The following NRK variants were observed in gnomAD, a reference collection of about 807,000 sequenced individuals.
NRK encodes Nik related kinase, also known as nik-related protein kinase.
NRK carries 67 observed loss-of-function variants against 125.2 expected under a neutral mutation model. The observed-to-expected ratio is 0.54, with a 90% confidence interval of 0.44 to 0.66. The LOEUF is 0.66. NRK is among the 30% of genes least tolerant of loss of function. The probability of loss-of-function intolerance (pLI) is 0.00; values close to 1 mark genes in which losing one functional copy is unlikely to be tolerated. For synonymous variants in NRK, 458 were observed against 429.0 expected (o/e 1.07, Z -0.84); for missense variants, 1,224 against 1,192.9 (o/e 1.03, Z -0.38).
chrX:105,867,075 A>G (rs1480614851), intron 2 of NRK, among the ~76,000 whole-genome samples: 5 of 111,439 alleles, frequency 4.5e-5, no homozygotes, highest in African/African-American at 1.6e-4. Flanking sequence ...TTCTTGCTCA[A>G]TCAATATACT....
At position 105,951,878 on chromosome X, in the gene NRK, G is replaced by T. The variant is rs970564712; in HGVS notation, c.4514-1156G>T. ...CCTGTGCTTTAAGTTTAGAATTTTTGATCTATGTTGTTGTTGACAAAAATA... is the reference window on the plus strand; with the variant it reads ...CCTGTGCTTTAAGTTTAGAATTTTTTATCTATGTTGTTGTTGACAAAAATA... On this transcript the variant is annotated intron_variant, in intron 27 of 28. Coordinates refer to ENST00000243300, the MANE Select transcript of NRK (RefSeq NM_198465.4). Among the ~76,000 whole-genome samples, 53 of 112,576 alleles carry T rather than the reference G, an allele frequency of 4.7e-4. No individual in the cohort carries two copies. In the Admixed American group the frequency reaches 5.0e-3, roughly 11 times the overall value.
In NRK at chrX:105,824,407, C is replaced by T. The variant is rs773704009; in HGVS notation, c.57+1505C>T. On this transcript the variant is annotated intron_variant, in intron 1 of 28. Coordinates refer to ENST00000243300, the MANE Select transcript of NRK (RefSeq NM_198465.4). Reference sequence around the variant, plus strand: ...TATAAAACCAAGGAATAAAATGTTACCCTTCCTCCAACATTCTCTGCCTAT... The same window carrying T: ...TATAAAACCAAGGAATAAAATGTTATCCTTCCTCCAACATTCTCTGCCTAT... Among the ~76,000 whole-genome samples, 9 of 110,343 alleles carry T rather than the reference C, an allele frequency of 8.2e-5. No individual in the cohort carries two copies. In the South Asian group the frequency reaches 3.1e-3, roughly 38 times the overall value.
chrX:105,932,731 G>A (rs916317395), intron 19 of NRK, among the ~76,000 whole-genome samples: 3 of 111,093 alleles, frequency 2.7e-5, no homozygotes, highest in African/African-American at 9.8e-5. Context: ...GCGCTCCTGT[G>A]CAAGCTGTTT....
intron 16 of NRK, among the ~76,000 whole-genome samples, chrX:105,918,863 T>A (rs2040399744): frequency 9.1e-6 from 1 of 109,521 alleles, no homozygotes; most frequent in Non-Finnish European, 1.9e-5. Flanking sequence ...CCATTTGATA[T>A]TCTCATGAAA....
chrX:105,824,135 C>A (rs913139858), intron 1 of NRK, among the ~76,000 whole-genome samples: 2 of 111,769 alleles, frequency 1.8e-5, no homozygotes, highest in East Asian at 2.8e-4. Context: ...CCAAATTGTT[C>A]TCTGCCATTT....
Position 105,923,483 on chromosome X carries a change from G to T in NRK, c.2975+1G>T. 9.0e-7 allele frequency: 1 copy of T among 1,115,478 alleles called. No homozygotes were observed. The highest frequency in any genetic ancestry group is 1.2e-6 in the Non-Finnish European group (1 of 845,023). 91.9% of individuals were successfully genotyped at this position (1,115,478 alleles called of 1,213,427 possible). ...ATTATGAGGCGCCTAGTTGTCCAAGGTTGGTTTTTTTGAATTACTTATACT... is the reference window on the plus strand; with the variant it reads ...ATTATGAGGCGCCTAGTTGTCCAAGTTTGGTTTTTTTGAATTACTTATACT... On this transcript the variant is annotated splice_donor_variant, in intron 18 of 28. Coordinates refer to ENST00000243300, the MANE Select transcript of NRK (RefSeq NM_198465.4). LOFTEE classifies it high-confidence loss of function.
Position 105,895,435 on chromosome X carries a change from C to A in NRK, c.492C>A (p.Gly164=), listed in dbSNP as rs778999118. Residue 164 remains glycine (G), a splice_region_variant and synonymous_variant, in exon 7 of 29, where the codon GGC becomes GGA. Transcript: ENST00000243300. ...IAYICREILQ[G]LAHLHAHRVI... is the part of the protein sequence containing the mutation. ...GGCTTTTTAAAAAATATATACAGGG[C>A]TTAGCTCACCTTCACGCACACCGAG... is the stretch of plus-strand genomic sequence containing the variant. The A allele has an allele frequency of 2.5e-6, 3 of 1,184,919 alleles. No homozygotes were observed. The Admixed American group carries it at 6.5e-5, about 26-fold the overall frequency.
chrX:105,846,054 C>G (rs2039397019), intron 2 of NRK, among the ~76,000 whole-genome samples: 1 of 111,482 alleles, frequency 9.0e-6, no homozygotes, highest in Non-Finnish European at 1.9e-5. Flanking sequence ...GGGCTCAGGG[C>G]TGGTGACTTG....
chrX:105,906,761 TTGCGTGTG>T (rs1209823498), intron 11 of NRK, among the ~76,000 whole-genome samples, 172 bp downstream of exon 11: 2 of 78,767 alleles, frequency 2.5e-5, no homozygotes, highest in African/African-American at 1.1e-4. Flanking sequence ...TAATTTTCTC[TTGCGTGTG>T]TGTGTGTGTG....
intron 2 of NRK, among the ~76,000 whole-genome samples, chrX:105,839,887 T>C (rs2039308746): frequency 9.0e-6 from 1 of 111,574 alleles, no homozygotes; most frequent in Admixed American, 9.5e-5. Flanking sequence ...TTTGTTTTTG[T>C]TCCTGTATGT....
At chrX:105,843,612 A>G (rs1311181739) in intron 2 of NRK, among the ~76,000 whole-genome samples, 1 of 112,037 alleles carries the variant, frequency 8.9e-6, no homozygotes, top group East Asian at 2.8e-4. Flanking sequence ...TTTCTGCTGA[A>G]TGAGTCATTT....
Position 105,915,608 on chromosome X carries a change from T to C in NRK, c.2350-122T>C, listed in dbSNP as rs2040355022. On this transcript the variant is annotated intron_variant, in intron 14 of 28. Transcript: ENST00000243300. ...ATGAAATAGAATCTGTTTATTAAAA[T>C]CATATTTTATAAGTTAGATTTTAGG... is the stretch of plus-strand genomic sequence containing the variant. The C allele has an allele frequency of 1.1e-5, 4 of 372,337 alleles. No homozygotes were observed. The East Asian group carries it at 1.7e-4, about 16-fold the overall frequency. The allele number at this position is 372,337 out of a possible 1,213,427, so 30.7% of individuals were successfully genotyped here. A position where few individuals can be genotyped will look rare whatever the true frequency, so the allele number is the denominator to read the frequency against.
chrX:105,823,789 G>A (rs755977728), intron 1 of NRK, among the ~76,000 whole-genome samples: 2 of 111,552 alleles, frequency 1.8e-5, no homozygotes, highest in South Asian at 7.6e-4. Flanking sequence ...TTTTAGATTG[G>A]CATTTCACTC....
chrX:105,882,676 G>T (rs1344582961), intron 4 of NRK, among the ~76,000 whole-genome samples: 3 of 110,707 alleles, frequency 2.7e-5, no homozygotes, highest in African/African-American at 9.9e-5. Flanking sequence ...ATCACATTCA[G>T]AAACTTTCTA....
chrX:105,922,850 A>C (rs2040470348), intron 17 of NRK, among the ~76,000 whole-genome samples: 1 of 111,149 alleles, frequency 9.0e-6, no homozygotes, highest in South Asian at 3.8e-4. Context: ...CATCAAAAGC[A>C]AGTGTCCATT....
chrX:105,915,212 TAG>T (rs1426325578), intron 14 of NRK, among the ~76,000 whole-genome samples: 1 of 110,767 alleles, frequency 9.0e-6, no homozygotes, highest in Non-Finnish European at 1.9e-5. Flanking sequence ...CACTTTTGAC[TAG>T]AGAGATTTTA....
At chrX:105,831,790 A>G (rs2039196330) in intron 2 of NRK, among the ~76,000 whole-genome samples, 1 of 111,619 alleles carries the variant, frequency 9.0e-6, no homozygotes, top group African/African-American at 3.3e-5. Context: ...ATAACTGTAT[A>G]CTTCTGTATC....
At chrX:105,870,100 A>G (rs954786022) in intron 2 of NRK, among the ~76,000 whole-genome samples, 1 of 111,852 alleles carries the variant, frequency 8.9e-6, no homozygotes, top group South Asian at 3.7e-4. Flanking sequence ...TGAAAGAAAA[A>G]AAATCCTGAA....
intron 16 of NRK, among the ~76,000 whole-genome samples, chrX:105,921,316 C>T (rs2040442126): frequency 1.0e-5 from 1 of 95,961 alleles, no homozygotes; most frequent in African/African-American, 3.9e-5. Context: ...GAATATCACA[C>T]TCTGGGGACT....
Sources: gnomAD v4.1 joint callset for allele counts (sites outside exome capture counted in the v4.1 genomes callset) on GRCh38, gnomAD v4.1.1 for gene constraint, MANE v1.5 for transcripts, NCBI Gene and HGNC (gene_info 2026-07-23, HGNC 2026-07-21) for gene names.